Variants in ZNF106 observed in about 807,000 individuals in gnomAD.
The protein encoded by ZNF106 is SH3-domain binding protein 3.
In ZNF106, 67 loss-of-function variants were observed where a neutral mutation model predicts 195.1. The ratio of observed to expected loss-of-function variants is 0.34; its 90% confidence interval spans 0.28 to 0.42. ZNF106 has a LOEUF of 0.42. Ranked by LOEUF, ZNF106 falls within the 10% of genes least tolerant of loss-of-function variation. The pLI, the probability that ZNF106 is intolerant of heterozygous loss-of-function variation, is 1.00. For missense variants in ZNF106, 2,118 were observed against 2,304.5 expected (o/e 0.92, Z 1.66); for synonymous variants, 784 against 818.6 (o/e 0.96, Z 0.72).
intron 21 of ZNF106, 37 bp from the exon 22 acceptor site, chr15:42,417,397 T>C: frequency 2.9e-4 from 456 of 1,551,128 alleles, no homozygotes; most frequent in Non-Finnish European, 3.7e-4. Flanking sequence ...GAGAGAGAAG[T>C]CGATAGTAAG....
In ZNF106 at chr15:42,421,620, C is replaced by T. The variant is rs1472859021; in HGVS notation, c.5445+297G>A. 2.6e-5 allele frequency among the ~76,000 whole-genome samples: 4 copies of T among 152,208 alleles called. No homozygotes were observed. The East Asian group carries it at 7.7e-4, about 29-fold the overall frequency. On this transcript the variant is annotated intron_variant, in intron 19 of 21. Transcript: ENST00000564754. ...CTGGCCAAATCTCCTGACTCCATTC[C>T]AGTGTTCCATTCAGATCATGTCTCT...
intron 1 of ZNF106, among the ~76,000 whole-genome samples, chr15:42,479,820 C>T (rs934700764): frequency 4.6e-5 from 7 of 151,950 alleles, no homozygotes; most frequent in Middle Eastern, 3.4e-3. Flanking sequence ...CCAGCCTCAG[C>T]AAAAGGGCAA....
intron 3 of ZNF106, chr15:42,457,683 A>T (rs1025177753): frequency 6.4e-5 from 22 of 342,994 alleles, no homozygotes; most frequent in Non-Finnish European, 1.3e-5. Flanking sequence ...GAATGTGAGG[A>T]TTCCGGACCC....
Position 42,451,027 on chromosome 15 carries a change from G to A in ZNF106, c.1245C>T (p.Pro415=), listed in dbSNP as rs1351107727. ...GGGAATTACGTGTTTCATCAGTTTG[G>A]GGCTCCTGTATTCCTGTAGTTATCA... The part of the protein sequence containing the change: ...FSLITTGIQE[P]QTDETRNSPT... The change falls in exon 5 of 22, where the codon CCC becomes CCT. Residue 415 remains proline (P), a synonymous_variant. Coordinates refer to ENST00000564754, the MANE Select transcript of ZNF106 (RefSeq NM_001366845.3). The A allele has an allele frequency of 1.9e-6, 3 of 1,614,010 alleles. No homozygotes were observed. The highest frequency in any genetic ancestry group is 2.5e-6 in the Non-Finnish European group (3 of 1,180,030).
intron 15 of ZNF106, 39 bp from the exon 16 acceptor site, chr15:42,425,064 G>C: frequency 6.2e-7 from 1 of 1,601,480 alleles, no homozygotes; most frequent in Non-Finnish European, 8.5e-7. Context: ...AACCAACTTA[G>C]CTGGAAAATT....
chr15:42,446,845 T>TA (rs948400734), intron 6 of ZNF106, among the ~76,000 whole-genome samples, 187 bp from the exon 7 acceptor site: 9 of 151,602 alleles, frequency 5.9e-5, no homozygotes, highest in Admixed American at 1.3e-4. Context: ...GTATCTGATT[T>TA]AAAAAAAAAG....
intron 15 of ZNF106, 115 bp from the exon 16 acceptor site, chr15:42,425,140 C>A (rs768686155): frequency 1.6e-4 from 157 of 989,930 alleles, no homozygotes; most frequent in Admixed American, 1.3e-4. Context: ...ATTTTCATAC[C>A]CACTCTGCAG....
At position 42,450,669 on chromosome 15, in the gene ZNF106, G is replaced by A. The variant is rs1355595420; in HGVS notation, c.1603C>T (p.His535Tyr). 7 of 1,614,032 alleles carry A rather than the reference G, an allele frequency of 4.3e-6. No individual in the cohort carries two copies. Among genetic ancestry groups the A allele is most frequent in the African/African-American group, 4.0e-5 (3 of 74,906 alleles). The part of the protein sequence containing the change: ...YISKLRSSCP[H>Y]VLKGNKSTFG... ...GTACTTTTATTCCCTTTTAAAACAT[G>A]AGGACATGAACTACGCAGTTTGGAT... The change falls in exon 5 of 22, where the codon CAT becomes TAT. Residue 535 changes from histidine to tyrosine, a missense_variant. Transcript: ENST00000564754.
chr15:42,430,175 T>C (rs2055000863), intron 14 of ZNF106, among the ~76,000 whole-genome samples: 1 of 152,104 alleles, frequency 6.6e-6, no homozygotes. Flanking sequence ...TGTACGGTCC[T>C]GCTATGCCAA....
intron 2 of ZNF106, among the ~76,000 whole-genome samples, chr15:42,467,370 T>G (rs993076310): frequency 2.6e-5 from 4 of 152,232 alleles, no homozygotes. Flanking sequence ...TGCAAAATAC[T>G]GCCGAGGGAG....
chr15:42,488,135 G>T (rs2057057201), intron 1 of ZNF106, among the ~76,000 whole-genome samples: 1 of 152,136 alleles, frequency 6.6e-6, no homozygotes, highest in African/African-American at 2.4e-5. Flanking sequence ...TCAGAAATTT[G>T]TGAATTTTTT....
At chr15:42,430,504 C>T (rs905856066) in intron 14 of ZNF106, among the ~76,000 whole-genome samples, 2 of 151,944 alleles carry the variant, frequency 1.3e-5, no homozygotes, top group Admixed American at 6.6e-5. Flanking sequence ...CTCAGCCTCC[C>T]GAGTAGCTGG....
intron 3 of ZNF106, among the ~76,000 whole-genome samples, chr15:42,458,612 G>A (rs1451754131): frequency 6.6e-6 from 1 of 151,726 alleles, no homozygotes; most frequent in Admixed American, 6.6e-5. Flanking sequence ...GGAGGCTGAG[G>A]CAGGAGAATC....
rs2141261499 is a variant in ZNF106, at chr15:42,422,007, AAG to A, written c.5374-21_5374-20del. 6.4e-7 allele frequency: 1 copy of A among 1,565,366 alleles called. No homozygotes were observed. Among genetic ancestry groups the A allele is most frequent in the East Asian group, 2.3e-5 (1 of 44,374 alleles). On this transcript the variant is annotated intron_variant, in intron 18 of 21. Transcript: ENST00000564754. ...CATGAGACTTAGGCAGAAAAAAAAAAAGAGAATTGAAGTTATTTATACCTTGC... is the reference window on the plus strand; with the variant it reads ...CATGAGACTTAGGCAGAAAAAAAAAAAGAATTGAAGTTATTTATACCTTGC...
chr15:42,469,868 A>G (rs1238419634), intron 2 of ZNF106, among the ~76,000 whole-genome samples: 8 of 151,600 alleles, frequency 5.3e-5, no homozygotes, highest in Non-Finnish European at 8.8e-5. Flanking sequence ...CAAAAAAAAA[A>G]AAAGAAAAAA....
At chr15:42,474,905 G>A (rs1009056120) in intron 1 of ZNF106, among the ~76,000 whole-genome samples, 2 of 152,140 alleles carry the variant, frequency 1.3e-5, no homozygotes, top group East Asian at 1.9e-4. Flanking sequence ...AAGCAGCATT[G>A]TTCCTTCTTC....
intron 3 of ZNF106, chr15:42,457,429 C>T (rs1411208675): frequency 1.5e-6 from 2 of 1,331,372 alleles, no homozygotes; most frequent in Non-Finnish European, 1.9e-6. Context: ...AATTGCTGTA[C>T]TTAAAATCTT....
At chr15:42,424,114 T>C (rs1286721933) in intron 16 of ZNF106, 54 bp from the exon 17 acceptor site, 1 of 1,509,302 alleles carries the variant, frequency 6.6e-7, no homozygotes, top group Non-Finnish European at 9.1e-7. Flanking sequence ...TAATTTTCTC[T>C]ATAACTTGTA....
chr15:42,439,290 A>G lies in ZNF106; in HGVS notation c.4287T>C (p.Thr1429=), dbSNP rs1417217415. 5 of 1,614,032 alleles carry G rather than the reference A, an allele frequency of 3.1e-6. No individual in the cohort carries two copies. The highest frequency in any genetic ancestry group is 1.3e-5 in the African/African-American group (1 of 74,922). Residue 1429 remains threonine, a synonymous_variant, in exon 11 of 22, where the codon ACT becomes ACC. Transcript: ENST00000564754. ...CTCTGACACTCTCCTGCTCCCGACCAGTCCTGCTGTCTTCCCAAGTGGAGG... is the reference window on the plus strand; with the variant it reads ...CTCTGACACTCTCCTGCTCCCGACCGGTCCTGCTGTCTTCCCAAGTGGAGG... ...VTTSTWEDSR[T]GREQESVRDE...
Sources: allele counts gnomAD v4.1 joint callset (sites outside exome capture counted in the v4.1 genomes callset), GRCh38; gene constraint gnomAD v4.1.1; transcripts MANE v1.5; gene names NCBI Gene and HGNC (gene_info 2026-07-23, HGNC 2026-07-21).